Variants in RANBP17 observed in about 807,000 individuals in gnomAD.
The protein encoded by RANBP17 is ran-binding protein 17.
RANBP17 carries 158 observed loss-of-function variants against 141.2 expected under a neutral mutation model. The ratio of observed to expected loss-of-function variants is 1.12; its 90% CI spans 0.98 to 1.28. The LOEUF (loss-of-function observed/expected upper bound fraction) is 1.28, where lower values mean the gene tolerates loss of function less well. Ranked by LOEUF, RANBP17 falls within the 50% of genes most tolerant of loss-of-function variation. The probability of loss-of-function intolerance (pLI) is 0.00; values close to 1 mark genes in which losing one functional copy is unlikely to be tolerated. For synonymous variants in RANBP17, 430 were observed against 450.0 expected (o/e 0.96, Z 0.56); for missense variants, 1,438 against 1,290.7 (o/e 1.11, Z -1.75).
chr5:170,911,237 A>G (rs1771503858), intron 7 of RANBP17, 103 bp downstream of exon 7: 1 of 1,021,192 alleles, frequency 9.8e-7, no homozygotes, highest in Non-Finnish European at 1.4e-6. Context: ...AATTAAAAAA[A>G]TAGCTCAAAT....
At chr5:171,275,145 G>A (rs1214912398) in intron 25 of RANBP17, among the ~76,000 whole-genome samples, 1 of 152,152 alleles carries the variant, frequency 6.6e-6, no homozygotes, top group Non-Finnish European at 1.5e-5. Context: ...ACCATATTGA[G>A]TGAGCCAGAA....
intron 14 of RANBP17, among the ~76,000 whole-genome samples, chr5:171,072,533 C>CT (rs1438139585): frequency 3.3e-5 from 5 of 151,248 alleles, no homozygotes; most frequent in Non-Finnish European, 7.4e-5. Flanking sequence ...TGAAAAGATA[C>CT]TTAACATCAT....
At chr5:171,059,844 C>A (rs1375153084) in intron 14 of RANBP17, among the ~76,000 whole-genome samples, 1 of 50,770 alleles carries the variant, frequency 2.0e-5, no homozygotes, top group Non-Finnish European at 4.4e-5. Context: ...TTTCATTGAG[C>A]AGTGGTTTGT....
chr5:171,113,774 A>G (rs1319001494), intron 14 of RANBP17, among the ~76,000 whole-genome samples: 4 of 152,192 alleles, frequency 2.6e-5, no homozygotes, highest in African/African-American at 9.6e-5. Flanking sequence ...GAGATCCCCA[A>G]GACCCTTTCA....
At chr5:170,865,755 GT>G (rs958198702) in intron 1 of RANBP17, among the ~76,000 whole-genome samples, 6 of 152,136 alleles carry the variant, frequency 3.9e-5, no homozygotes, top group African/African-American at 1.4e-4. Flanking sequence ...AAGTTTGGGG[GT>G]TTCCCAAAAC....
intron 24 of RANBP17, chr5:171,253,061 T>C: frequency 1.1e-6 from 1 of 890,716 alleles, no homozygotes; most frequent in Non-Finnish European, 1.8e-6. Context: ...CAAGCACTGA[T>C]TTTTCAAGAA....
chr5:171,062,907 A>G (rs989219339), intron 14 of RANBP17, among the ~76,000 whole-genome samples: 3 of 151,016 alleles, frequency 2.0e-5, no homozygotes, highest in Non-Finnish European at 4.4e-5. Context: ...CATTTCATTC[A>G]TTTCATCTTC....
intron 14 of RANBP17, among the ~76,000 whole-genome samples, chr5:171,099,711 C>T (rs1786991639): frequency 6.6e-6 from 1 of 152,120 alleles, no homozygotes; most frequent in Non-Finnish European, 1.5e-5. Flanking sequence ...CCAGTTTTTG[C>T]CCATTCAGTA....
At chr5:171,271,008 AG>A in intron 25 of RANBP17, 1 of 173,486 alleles carries the variant, frequency 5.8e-6, no homozygotes, top group East Asian at 9.9e-5. Flanking sequence ...GAAATCCAAA[AG>A]AAATTCTAAT....
chr5:171,008,866 A>G (rs1469191697), intron 14 of RANBP17, among the ~76,000 whole-genome samples: 1 of 152,208 alleles, frequency 6.6e-6, no homozygotes, highest in Non-Finnish European at 1.5e-5. Flanking sequence ...TATGTTTTCA[A>G]TTAAATGTAC....
intron 12 of RANBP17, among the ~76,000 whole-genome samples, chr5:170,947,639 G>A (rs1581213173): frequency 6.6e-6 from 1 of 152,238 alleles, no homozygotes; most frequent in Non-Finnish European, 1.5e-5. Flanking sequence ...GTAATCAGAT[G>A]ACAGCTGGGG....
chr5:170,889,319 T>C (rs1769413536), intron 3 of RANBP17, among the ~76,000 whole-genome samples: 1 of 152,052 alleles, frequency 6.6e-6, no homozygotes, highest in South Asian at 2.1e-4. Flanking sequence ...GAGGTAGAAA[T>C]TGAGTGTTTC....
rs112425490 is a variant in RANBP17, at chr5:171,169,319, G to A, written c.1711-811G>A. 4.5e-3 allele frequency among the ~76,000 whole-genome samples: 686 copies of A among 152,308 alleles called. 3 individuals are homozygous for A. Among genetic ancestry groups the A allele is most frequent in the Non-Finnish European group, 7.5e-3 (512 of 68,018 alleles). On this transcript the variant is annotated intron_variant, in intron 14 of 27. Coordinates refer to ENST00000523189, the MANE Select transcript of RANBP17 (RefSeq NM_022897.5). ...TCCCATACAGCTGGTGACTGGCAGG[G>A]ATAACCTGGAATCACACCAGAGCAT...
At chr5:171,284,091 T>A (rs1376422402) in intron 25 of RANBP17, among the ~76,000 whole-genome samples, 1 of 152,220 alleles carries the variant, frequency 6.6e-6, no homozygotes, top group Non-Finnish European at 1.5e-5. Flanking sequence ...TGCTTTTGAA[T>A]GGCCTCAGTT....
chr5:171,034,140 T>G (rs1781724446), intron 14 of RANBP17, among the ~76,000 whole-genome samples: 1 of 152,014 alleles, frequency 6.6e-6, no homozygotes, highest in African/African-American at 2.4e-5. Context: ...TGAATAAATA[T>G]CAAATAATAT....
chr5:171,263,980 T>G (rs1157469342), intron 24 of RANBP17, among the ~76,000 whole-genome samples: 4 of 152,148 alleles, frequency 2.6e-5, no homozygotes, highest in Non-Finnish European at 4.4e-5. Context: ...GAGGATCACT[T>G]GAGCTCAGGA....
chr5:171,175,614 G>T (rs1760407307), intron 16 of RANBP17, among the ~76,000 whole-genome samples: 1 of 152,016 alleles, frequency 6.6e-6, no homozygotes, highest in African/African-American at 2.4e-5. Flanking sequence ...CAAAAAGTGG[G>T]CGAAGGATAG....
chr5:171,007,116 G>A (rs888034052), intron 14 of RANBP17, among the ~76,000 whole-genome samples: 5 of 152,114 alleles, frequency 3.3e-5, no homozygotes, highest in African/African-American at 9.7e-5. Flanking sequence ...GTAGAAGTTA[G>A]GATGACATTT....
chr5:171,011,287 T>G (rs1780015896), intron 14 of RANBP17, among the ~76,000 whole-genome samples: 1 of 152,058 alleles, frequency 6.6e-6, no homozygotes, highest in African/African-American at 2.4e-5. Context: ...GAATAAATAT[T>G]GATGTTATTA....
Sources: allele counts gnomAD v4.1 joint callset (sites outside exome capture counted in the v4.1 genomes callset), GRCh38; gene constraint gnomAD v4.1.1; transcripts MANE v1.5; gene names NCBI Gene and HGNC (gene_info 2026-07-23, HGNC 2026-07-21).